Variants in WWOX observed in about 807,000 individuals in gnomAD.
WWOX encodes WW domain containing oxidoreductase, also known as WW domain-containing oxidoreductase.
In WWOX, 69 loss-of-function variants were observed where a neutral mutation model predicts 46.2. The ratio of observed to expected loss-of-function variants is 1.49; its 90% CI spans 1.23 to 1.82. The LOEUF (loss-of-function observed/expected upper bound fraction) is 1.82. Among genes scored for constraint, WWOX ranks in the 40% most tolerant of loss-of-function variants. The pLI is 0.00. For missense variants in WWOX, 919 were observed against 542.6 expected (o/e 1.69, Z -6.89); for synonymous variants, 359 against 202.6 (o/e 1.77, Z -6.56).
rs770002537 is a variant in WWOX, at chr16:78,422,682, T to C, written c.606-2188T>C. Among the ~76,000 whole-genome samples, 415 of 74,444 alleles carry C rather than the reference T, an allele frequency of 5.6e-3. 59 individuals carry two copies. Among genetic ancestry groups the C allele is most frequent in the Middle Eastern group, 0.011 (2 of 182 alleles). The allele number at this position is 74,444 out of a possible 152,430, so 48.8% of individuals were successfully genotyped here. A position where few individuals can be genotyped will look rare whatever the true frequency, so the allele number is the denominator to read the frequency against. On this transcript the variant is annotated intron_variant, in intron 6 of 8. Transcript: ENST00000566780. The stretch of plus-strand genomic sequence containing the variant: ...TTACATGTATATATATATATATATA[T>C]ATACACACACACACACACATATATA...
rs187250128 is a variant in WWOX, at chr16:78,940,875, A to T, written c.1057-270733A>T. 3.6e-4 allele frequency among the ~76,000 whole-genome samples: 55 copies of T among 152,062 alleles called. No individual in the cohort carries two copies. The East Asian group carries it at 9.9e-3, about 27-fold the overall frequency. ...TTCATTCTAATAAGTTGTATCGATCATGTATTTTCAGTCACTCTTCATGTC... is the reference window on the plus strand; with the variant it reads ...TTCATTCTAATAAGTTGTATCGATCTTGTATTTTCAGTCACTCTTCATGTC... On this transcript the variant is annotated intron_variant, in intron 8 of 8. Coordinates refer to ENST00000566780, the MANE Select transcript of WWOX (RefSeq NM_016373.4).
intron 8 of WWOX, among the ~76,000 whole-genome samples, chr16:78,887,191 C>G (rs894036939): frequency 2.0e-5 from 3 of 148,882 alleles, no homozygotes; most frequent in Non-Finnish European, 4.4e-5. Context: ...TTAAACTGAA[C>G]TAGACTGTAT....
At chr16:78,520,660 T>A (rs987396987) in intron 8 of WWOX, among the ~76,000 whole-genome samples, 5 of 151,962 alleles carry the variant, frequency 3.3e-5, no homozygotes, top group Non-Finnish European at 5.9e-5. Context: ...CCTGGCTGAT[T>A]AATAATGTTT....
intron 5 of WWOX, among the ~76,000 whole-genome samples, chr16:78,313,210 C>T (rs746824596): frequency 6.6e-6 from 1 of 152,196 alleles, no homozygotes; most frequent in Non-Finnish European, 1.5e-5. Context: ...GGCTCTTCCA[C>T]TTGCTAGCCA....
intron 8 of WWOX, among the ~76,000 whole-genome samples, chr16:78,849,457 C>T (rs1020268014): frequency 6.6e-6 from 1 of 151,498 alleles, no homozygotes; most frequent in Non-Finnish European, 1.5e-5. Flanking sequence ...GCCTGTAGTC[C>T]CAGCTACTGG....
At chr16:79,189,799 A>AG (rs949467320) in intron 8 of WWOX, among the ~76,000 whole-genome samples, 253 of 149,176 alleles carry the variant, frequency 1.7e-3, no homozygotes, top group Middle Eastern at 0.01. Context: ...TCCCGGTGGG[A>AG]GGGGGGGGAT....
In WWOX at chr16:78,842,656, G is replaced by C. The variant is rs112415122; in HGVS notation, c.1057-368952G>C. On this transcript the variant is annotated intron_variant, in intron 8 of 8. Transcript: ENST00000566780. ...AGGCGGATGGATTGCTGGAGCTCAG[G>C]AGTTTGAGAACATCCAGGGAAACAT... Among the ~76,000 whole-genome samples the C allele has an allele frequency of 1.0e-3, 159 of 152,208 alleles. 1 individual carries two copies. The highest frequency in any genetic ancestry group is 3.4e-3 in the African/African-American group (142 of 41,520).
intron 8 of WWOX, among the ~76,000 whole-genome samples, chr16:78,572,262 TCAACACA>T (rs2044734806): frequency 6.6e-6 from 1 of 152,106 alleles, no homozygotes; most frequent in Admixed American, 6.5e-5. Flanking sequence ...AGAACGTGCA[TCAACACA>T]GAAGAATCTC....
intron 8 of WWOX, among the ~76,000 whole-genome samples, chr16:78,762,052 G>A (rs2049807526): frequency 6.6e-6 from 1 of 152,294 alleles, no homozygotes. Flanking sequence ...CCTATTTGGT[G>A]TCAACTCTGT....
At chr16:78,715,030 C>G (rs529539260) in intron 8 of WWOX, among the ~76,000 whole-genome samples, 6 of 152,216 alleles carry the variant, frequency 3.9e-5, no homozygotes, top group African/African-American at 1.4e-4. Context: ...CTCATAATCC[C>G]AGCACTTTGA....
At chr16:78,695,483 A>G (rs1182748936) in intron 8 of WWOX, among the ~76,000 whole-genome samples, 1 of 152,134 alleles carries the variant, frequency 6.6e-6, no homozygotes, top group Admixed American at 6.6e-5. Context: ...TCATGATAGA[A>G]GTAGGTCATG....
At chr16:78,186,831 T>A (rs1287607709) in intron 5 of WWOX, among the ~76,000 whole-genome samples, 1 of 152,214 alleles carries the variant, frequency 6.6e-6, no homozygotes, top group Non-Finnish European at 1.5e-5. Context: ...TTGCGAAGAA[T>A]AGTCTATAGT....
In WWOX at chr16:78,343,463, T is replaced by G. The variant is rs1388955746; in HGVS notation, c.517-43397T>G. Among the ~76,000 whole-genome samples the G allele has an allele frequency of 3.3e-5, 4 of 120,878 alleles. 2 individuals are homozygous for G. Among genetic ancestry groups the G allele is most frequent in the Non-Finnish European group, 7.9e-5 (4 of 50,612 alleles). The allele number at this position is 120,878 out of a possible 152,430, so 79.3% of individuals were successfully genotyped here. A position where few individuals can be genotyped will look rare whatever the true frequency, so the allele number is the denominator to read the frequency against. On this transcript the variant is annotated intron_variant, in intron 5 of 8. Coordinates refer to ENST00000566780, the MANE Select transcript of WWOX (RefSeq NM_016373.4). Reference sequence around the variant, plus strand: ...TTTTGGTGGGACCTGAAGATGTATATCCCTTGTTTTCAGATTCCTCGCCTC... The same window carrying G: ...TTTTGGTGGGACCTGAAGATGTATAGCCCTTGTTTTCAGATTCCTCGCCTC...
chr16:78,987,926 A>G (rs143385064), intron 8 of WWOX, among the ~76,000 whole-genome samples: 4 of 152,304 alleles, frequency 2.6e-5, no homozygotes, highest in Non-Finnish European at 5.9e-5. Context: ...TCCCTTCTGT[A>G]TCCATGGTAG....
intron 8 of WWOX, among the ~76,000 whole-genome samples, chr16:78,903,955 G>C (rs192211291): frequency 6.6e-6 from 1 of 152,148 alleles, no homozygotes; most frequent in Non-Finnish European, 1.5e-5. Context: ...GCCACACAGC[G>C]AATGAATGGA....
intron 8 of WWOX, among the ~76,000 whole-genome samples, chr16:78,681,189 C>T (rs560112574): frequency 7.9e-5 from 12 of 152,136 alleles, no homozygotes; most frequent in Admixed American, 5.2e-4. Flanking sequence ...GCGGAGATTG[C>T]ATTGAGCCGA....
chr16:78,439,792 T>C (rs948432074), intron 8 of WWOX, among the ~76,000 whole-genome samples: 27 of 152,244 alleles, frequency 1.8e-4, no homozygotes, highest in African/African-American at 4.8e-4. Context: ...TTGGCTACTA[T>C]ATGAGTAGCT....
chr16:78,419,870 G>T (rs2082882329), intron 6 of WWOX, among the ~76,000 whole-genome samples: 1 of 151,870 alleles, frequency 6.6e-6, no homozygotes, highest in African/African-American at 2.4e-5. Context: ...TACAGAATGG[G>T]GGAAATACTT....
intron 5 of WWOX, among the ~76,000 whole-genome samples, chr16:78,166,560 CTTTTTTA>C (rs2034980895): frequency 6.7e-6 from 1 of 148,632 alleles, no homozygotes; most frequent in Admixed American, 6.7e-5. Flanking sequence ...TTTTCTTTTT[CTTTTTTA>C]TTTTTTTTTT....
Sources: allele counts gnomAD v4.1 joint callset (sites outside exome capture counted in the v4.1 genomes callset), GRCh38; gene constraint gnomAD v4.1.1; transcripts MANE v1.5; gene names NCBI Gene and HGNC (gene_info 2026-07-23, HGNC 2026-07-21).